Variants in CPT1A observed in about 807,000 individuals in gnomAD.
CPT1A encodes carnitine palmitoyltransferase 1A.
CPT1A carries 64 observed loss-of-function variants against 100.8 expected under a neutral mutation model. The ratio of observed to expected loss-of-function variants is 0.63; its 90% confidence interval spans 0.52 to 0.78. The LOEUF (loss-of-function observed/expected upper bound fraction) is 0.78, where lower values mean the gene tolerates loss of function less well. CPT1A is among the 30% of genes least tolerant of loss of function. The pLI, the probability that CPT1A is intolerant of heterozygous loss-of-function variation, is 0.00. For synonymous variants in CPT1A, 363 were observed against 396.0 expected (o/e 0.92, Z 0.99); for missense variants, 802 against 1,034.1 (o/e 0.78, Z 3.08).
intron 1 of CPT1A, among the ~76,000 whole-genome samples, chr11:68,820,060 C>T (rs1051461828): frequency 8.6e-5 from 13 of 152,006 alleles, no homozygotes; most frequent in South Asian, 4.1e-4. Flanking sequence ...GACAGGGTCT[C>T]GCTGTATTGC....
intron 1 of CPT1A, among the ~76,000 whole-genome samples, chr11:68,830,093 G>A (rs902850623): frequency 1.8e-4 from 27 of 152,066 alleles, no homozygotes; most frequent in African/African-American, 5.8e-4. Context: ...CCTGGCCAAC[G>A]TGGCAAAACT....
rs1355535129 is a variant in CPT1A, at chr11:68,779,810, A to AC, written c.1458+829_1458+830insG. Among the ~76,000 whole-genome samples the AC allele has an allele frequency of 4.4e-3, 666 of 151,390 alleles. 4 individuals are homozygous for AC. Among genetic ancestry groups the AC allele is most frequent in the Non-Finnish European group, 7.8e-3 (526 of 67,782 alleles). ...GACCCTGTCTCAAAAAAAAAAAAAAAAACAATGGTAGAGGCCAATCCACAG... is the reference window on the plus strand; with the variant it reads ...GACCCTGTCTCAAAAAAAAAAAAAAACAACAATGGTAGAGGCCAATCCACAG... On this transcript the variant is annotated intron_variant, in intron 12 of 18. Coordinates refer to ENST00000265641, the MANE Select transcript of CPT1A (RefSeq NM_001876.4).
rs1186285025 is a variant in CPT1A, at chr11:68,757,248, T to C, written c.*396A>G. Reference sequence around the variant, plus strand: ...TTAACAAAACAAAAGTTTACCCTGCTTGGATGATGCTAAATGCCCTTAAGC... The same window carrying C: ...TTAACAAAACAAAAGTTTACCCTGCCTGGATGATGCTAAATGCCCTTAAGC... On this transcript the variant is annotated 3_prime_UTR_variant, in exon 19 of 19. Coordinates refer to ENST00000265641, the MANE Select transcript of CPT1A (RefSeq NM_001876.4). 2 of 1,044,610 alleles carry C rather than the reference T, an allele frequency of 1.9e-6. No individual in the cohort carries two copies. The highest frequency in any genetic ancestry group is 2.3e-6 in the Non-Finnish European group (2 of 852,500). 64.7% of individuals were successfully genotyped at this position (1,044,610 alleles called of 1,614,324 possible).
intron 13 of CPT1A, chr11:68,773,751 G>A: frequency 2.9e-6 from 1 of 345,122 alleles, no homozygotes; most frequent in Non-Finnish European, 5.6e-6. Context: ...ATAATAATAG[G>A]TCACAGCCGG....
In CPT1A at chr11:68,754,935, C is replaced by T; in HGVS notation, c.*2709G>A. ...TTAATGATAACCTACATTCACACTG[C>T]ATTTCTAAGATTTACATCCAAAGAG... On this transcript the variant is annotated 3_prime_UTR_variant, in exon 19 of 19. Coordinates refer to ENST00000265641, the MANE Select transcript of CPT1A (RefSeq NM_001876.4). 1.3e-6 allele frequency: 1 copy of T among 750,470 alleles called. No homozygotes were observed. Among genetic ancestry groups the T allele is most frequent in the South Asian group, 1.4e-5 (1 of 72,090 alleles). The allele number at this position is 750,470 out of a possible 1,614,324, so 46.5% of individuals were successfully genotyped here.
chr11:68,771,112 T>C (rs1014101181), intron 14 of CPT1A, among the ~76,000 whole-genome samples: 9 of 152,218 alleles, frequency 5.9e-5, no homozygotes, highest in Admixed American at 1.3e-4. Flanking sequence ...GCTTCCTTTG[T>C]GGAGTCTCTG....
In CPT1A at chr11:68,793,367, G is replaced by T. The variant is rs763082846; in HGVS notation, c.915C>A (p.Ser305=). ...RLLGSTIPLC[S]AQWERMFNTS... ...TATTAAACATCCGCTCCCACTGAGC[G>T]GAGCAGAGTGGAATCGTGGATCCCA... The change falls in exon 9 of 19, where the codon TCC becomes TCA. Residue 305 remains serine (S), a synonymous_variant. Coordinates refer to ENST00000265641, the MANE Select transcript of CPT1A (RefSeq NM_001876.4). The T allele has an allele frequency of 2.5e-6, 4 of 1,611,916 alleles. No homozygotes were observed. In the East Asian group the frequency reaches 8.9e-5, roughly 36 times the overall value.
chr11:68,795,185 G>C (rs1404768201), intron 7 of CPT1A, among the ~76,000 whole-genome samples: 1 of 152,170 alleles, frequency 6.6e-6, no homozygotes, highest in Non-Finnish European at 1.5e-5. Flanking sequence ...ACAGAGAAAG[G>C]AAAGCAAAAA....
rs1358920937 is a variant in CPT1A at position 68,755,368 on chromosome 11, G to C, written c.*2276C>G. On this transcript the variant is annotated 3_prime_UTR_variant, in exon 19 of 19. Coordinates refer to ENST00000265641, the MANE Select transcript of CPT1A (RefSeq NM_001876.4). ...CCAGGGCAGAGAGAGCTACATCCCC[G>C]CTGCCTGCTTGACGGACAGTCAGGG... 1 of 155,658 alleles carries C rather than the reference G, an allele frequency of 6.4e-6. No homozygotes were observed. Among genetic ancestry groups the C allele is most frequent in the Non-Finnish European group, 1.5e-5 (1 of 68,816 alleles). 9.6% of individuals were successfully genotyped at this position (155,658 alleles called of 1,614,324 possible). A position where few individuals can be genotyped will look rare whatever the true frequency, so the allele number is the denominator to read the frequency against.
In CPT1A at chr11:68,781,903, G is replaced by A. The variant is rs1855322982; in HGVS notation, c.1220C>T (p.Ser407Phe). The change falls in exon 11 of 19, where the codon TCT becomes TTT. Residue 407 changes from serine (S) to phenylalanine (F), a missense_variant. Coordinates refer to ENST00000265641, the MANE Select transcript of CPT1A (RefSeq NM_001876.4). ...AYFGRGKNKQ[S>F]LDAVEKAAFF... ...CGCTGCTTTCTCCACAGCATCAAGA[G>A]ACTGCTTATTTTTCCCACGTCCAAA... The A allele has an allele frequency of 6.2e-7, 1 of 1,614,046 alleles. No individual in the cohort carries two copies. Among genetic ancestry groups the A allele is most frequent in the Non-Finnish European group, 8.5e-7 (1 of 1,180,016 alleles).
chr11:68,780,517 C>A, intron 12 of CPT1A, 123 bp downstream of exon 12: 1 of 767,362 alleles, frequency 1.3e-6, no homozygotes, highest in Non-Finnish European at 2.3e-6. Context: ...CTCCTGACCT[C>A]AGGTGATCTG....
In CPT1A at chr11:68,815,417, C is replaced by T; in HGVS notation, c.58G>A (p.Asp20Asn). The T allele has an allele frequency of 6.2e-7, 1 of 1,614,162 alleles. No homozygotes were observed. ...AGAGCTTCATGGCTCAGCCGCAGGT[C>T]AATCCCGTCCGGAGTGACCGTGAAC... is the stretch of plus-strand genomic sequence containing the variant. ...FQFTVTPDGI[D>N]LRLSHEALRQ... Residue 20 changes from aspartate (D) to asparagine (N), a missense_variant, in exon 2 of 19, where the codon GAC becomes AAC. Asp to Asn is a conservative substitution (Grantham distance 23). Transcript: ENST00000265641.
chr11:68,810,070 C>T (rs1303661495), intron 3 of CPT1A, among the ~76,000 whole-genome samples: 2 of 152,126 alleles, frequency 1.3e-5, no homozygotes, highest in Middle Eastern at 3.2e-3. Context: ...CCCAGGTACT[C>T]AAGAGGCTGA....
At chr11:68,826,996 T>G (rs1856749669) in intron 1 of CPT1A, among the ~76,000 whole-genome samples, 2 of 151,696 alleles carry the variant, frequency 1.3e-5, no homozygotes, top group Admixed American at 1.3e-4. Context: ...ACCTGGTGCT[T>G]AGGGAGGAGG....
chr11:68,804,648 A>G (rs1855995599), intron 4 of CPT1A, among the ~76,000 whole-genome samples: 1 of 152,232 alleles, frequency 6.6e-6, no homozygotes. Context: ...CAAGCCTGAC[A>G]GAGGCCGTGA....
At chr11:68,817,310 C>T (rs1856455130) in intron 1 of CPT1A, among the ~76,000 whole-genome samples, 1 of 152,136 alleles carries the variant, frequency 6.6e-6, no homozygotes, top group Non-Finnish European at 1.5e-5. Context: ...ATCAGCCTGA[C>T]TCAGTCCTCC....
chr11:68,827,366 T>C (rs1856758788), intron 1 of CPT1A, among the ~76,000 whole-genome samples: 1 of 152,122 alleles, frequency 6.6e-6, no homozygotes, highest in Non-Finnish European at 1.5e-5. Flanking sequence ...CAGTGAACTT[T>C]ACTATATTAT....
chr11:68,798,185 C>T (rs1443545002), intron 6 of CPT1A, among the ~76,000 whole-genome samples: 1 of 152,152 alleles, frequency 6.6e-6, no homozygotes, highest in Non-Finnish European at 1.5e-5. Context: ...CAGCTGCTGT[C>T]CCTTCACAGC....
At chr11:68,821,442 C>T (rs1012958822) in intron 1 of CPT1A, among the ~76,000 whole-genome samples, 5 of 152,130 alleles carry the variant, frequency 3.3e-5, no homozygotes, top group South Asian at 4.1e-4. Context: ...CGTGAGCCAC[C>T]GCGCCCGGCC....
Sources: allele counts gnomAD v4.1 joint callset (sites outside exome capture counted in the v4.1 genomes callset), GRCh38; gene constraint gnomAD v4.1.1; transcripts MANE v1.5; gene names NCBI Gene and HGNC (gene_info 2026-07-23, HGNC 2026-07-21).